Variants in PFKP observed in about 807,000 individuals in gnomAD.
PFKP encodes phosphofructokinase, platelet, also known as ATP-dependent 6-phosphofructokinase, platelet type.
Under a neutral mutation model 94.3 loss-of-function variants are expected in PFKP, and 101 were observed. The observed-to-expected ratio is 1.07, with a 90% CI of 0.91 to 1.26. The LOEUF (loss-of-function observed/expected upper bound fraction) is 1.26. Among genes scored for constraint, PFKP ranks in the 50% most tolerant of loss-of-function variants. The pLI is 0.00. For synonymous variants in PFKP, 573 were observed against 432.6 expected (o/e 1.32, Z -4.03); for missense variants, 1,145 against 1,103.3 (o/e 1.04, Z -0.53).
intron 5 of PFKP, chr10:3,104,869 A>C: frequency 1.7e-6 from 1 of 575,862 alleles, no homozygotes; most frequent in Non-Finnish European, 3.1e-6. Context: ...TCCAACGTGC[A>C]ACTGGAGAGC....
At position 3,107,910 on chromosome 10, in the gene PFKP, G is replaced by A. The variant is rs972820361; in HGVS notation, c.870+601G>A. ...GCTGTAGACGGGGCTGCAGGCTGCC[G>A]GGGCTGGGGATGGGCTGTGGCTCCA... On this transcript the variant is annotated intron_variant, in intron 8 of 21. Transcript: ENST00000381125. 11 of 1,289,494 alleles carry A rather than the reference G, an allele frequency of 8.5e-6. No individual in the cohort carries two copies. In the African/African-American group the frequency reaches 1.4e-4, roughly 16 times the overall value. The allele number at this position is 1,289,494 out of a possible 1,614,324, so 79.9% of individuals were successfully genotyped here.
intron 20 of PFKP, 114 bp downstream of exon 20, chr10:3,134,696 C>G: frequency 3.0e-6 from 2 of 666,742 alleles, no homozygotes; most frequent in Non-Finnish European, 5.4e-6. Flanking sequence ...CAGTTCAGTA[C>G]TGAGCTGCAC....
chr10:3,095,195 T>TA lies in PFKP; in HGVS notation c.187-4069dup, dbSNP rs796733542. Among the ~76,000 whole-genome samples the TA allele has an allele frequency of 3.4e-3, 306 of 90,328 alleles. 1 individual carries two copies. Among genetic ancestry groups the TA allele is most frequent in the African/African-American group, 4.8e-3 (163 of 33,888 alleles). 59.3% of individuals were successfully genotyped at this position (90,328 alleles called of 152,430 possible). On this transcript the variant is annotated intron_variant, in intron 2 of 21. Transcript: ENST00000381125. ...TATAATTTCCCTTTGTCTGTAACTT[T>TA]AAAAAAAAAAACTTACATATGAGAC... is the stretch of plus-strand genomic sequence containing the variant.
intron 16 of PFKP, among the ~76,000 whole-genome samples, chr10:3,127,508 C>CT: frequency 6.6e-6 from 1 of 152,314 alleles, no homozygotes; most frequent in Non-Finnish European, 1.5e-5. Flanking sequence ...TTTTGTGCCT[C>CT]TGGGGGTCCT....
rs112847106 is a variant in PFKP at position 3,115,526 on chromosome 10, T to C, written c.1372-1250T>C. Among the ~76,000 whole-genome samples, 66 of 109,954 alleles carry C rather than the reference T, an allele frequency of 6.0e-4. 8 individuals are homozygous for C. The highest frequency in any genetic ancestry group is 4.4e-3 in the East Asian group (16 of 3,628). The allele number at this position is 109,954 out of a possible 152,430, so 72.1% of individuals were successfully genotyped here. ...AAGGTGTGTGTCCCACAGCTGAGGA[T>C]AGGATTGGGGATGCCAGGGTGAAGG... On this transcript the variant is annotated intron_variant, in intron 13 of 21. Coordinates refer to ENST00000381125, the MANE Select transcript of PFKP (RefSeq NM_002627.5).
At chr10:3,103,429 T>A (rs1441899495) in intron 4 of PFKP, among the ~76,000 whole-genome samples, 1 of 152,144 alleles carries the variant, frequency 6.6e-6, no homozygotes, top group African/African-American at 2.4e-5. Context: ...GAAGGACCAC[T>A]TGAGCCCAGG....
At chr10:3,121,504 G>C (rs898843822) in intron 16 of PFKP, among the ~76,000 whole-genome samples, 2 of 152,036 alleles carry the variant, frequency 1.3e-5, no homozygotes, top group African/African-American at 4.8e-5. Context: ...CAGAGGGAAC[G>C]GGTGGAGAAT....
chr10:3,132,971 CATATTTATTTCTGGAATTTTCCATTTA>C (rs1838767835), intron 18 of PFKP, among the ~76,000 whole-genome samples: 1 of 152,214 alleles, frequency 6.6e-6, no homozygotes, highest in Non-Finnish European at 1.5e-5. Flanking sequence ...TTAAAACTTA[CATATTTATTTCTGGAATTTTCCATTTA>C]ATATTTGTGG....
At chr10:3,126,987 C>T (rs1234218026) in intron 16 of PFKP, among the ~76,000 whole-genome samples, 1 of 152,272 alleles carries the variant, frequency 6.6e-6, no homozygotes, top group Non-Finnish European at 1.5e-5. Flanking sequence ...CAGCCCTCTG[C>T]CATCCTTCCA....
At chr10:3,115,951 C>G (rs892101893) in intron 13 of PFKP, among the ~76,000 whole-genome samples, 2 of 152,210 alleles carry the variant, frequency 1.3e-5, no homozygotes, top group Non-Finnish European at 2.9e-5. Context: ...CCACCCGCAT[C>G]TCAGCAGCAG....
At chr10:3,115,914 A>C (rs1221597892) in intron 13 of PFKP, among the ~76,000 whole-genome samples, 6 of 152,164 alleles carry the variant, frequency 3.9e-5, no homozygotes, top group Non-Finnish European at 7.3e-5. Context: ...TTCCACCACC[A>C]CTGCCCGCCC....
In PFKP at chr10:3,103,791, A is replaced by AG; in HGVS notation, c.469dup (p.Glu157GlyfsTer21). 6.2e-7 allele frequency: 1 copy of AG among 1,613,928 alleles called. No individual in the cohort carries two copies. The highest frequency in any genetic ancestry group is 8.5e-7 in the Non-Finnish European group (1 of 1,180,034). On this transcript the variant is annotated frameshift_variant, in exon 5 of 22. Coordinates refer to ENST00000381125, the MANE Select transcript of PFKP (RefSeq NM_002627.5). LOFTEE classifies it high-confidence loss of function. Reference sequence around the variant, plus strand: ...GCTCCCCGCGCAGGCCAGATCGATAAGGAGGCCGTGCAGAAGTACGCCTAC... The same window carrying AG: ...GCTCCCCGCGCAGGCCAGATCGATAAGGGAGGCCGTGCAGAAGTACGCCTAC...
In PFKP at chr10:3,133,186, C is replaced by T; in HGVS notation, c.1911-17C>T. 1 of 1,596,780 alleles carries T rather than the reference C, an allele frequency of 6.3e-7. No homozygotes were observed. Among genetic ancestry groups the T allele is most frequent in the Non-Finnish European group, 8.6e-7 (1 of 1,165,238 alleles). The stretch of plus-strand genomic sequence containing the variant: ...CACTGCACGCTAAACAAAGTGACTC[C>T]TTCTCGCTCGTTTCAGAAATGAGAG... On this transcript the variant is annotated splice_polypyrimidine_tract_variant and intron_variant, in intron 18 of 21. Transcript: ENST00000381125.
At chr10:3,122,365 G>A (rs1422041486) in intron 16 of PFKP, among the ~76,000 whole-genome samples, 1 of 152,120 alleles carries the variant, frequency 6.6e-6, no homozygotes, top group Admixed American at 6.5e-5. Context: ...AGCTGGGACA[G>A]AGAAGAGAAA....
At position 3,123,675 on chromosome 10, in the gene PFKP, G is replaced by A. The variant is rs561406179; in HGVS notation, c.1683+3631G>A. Among the ~76,000 whole-genome samples the A allele has an allele frequency of 4.6e-5, 7 of 152,350 alleles. No individual in the cohort carries two copies. In the East Asian group the frequency reaches 1.2e-3, roughly 25 times the overall value. On this transcript the variant is annotated intron_variant, in intron 16 of 21. Transcript: ENST00000381125. ...TCGGGTATTCCACAGTAAAGTGAGC[G>A]ACATCACCTGTCTGAAAAGCATAAG...
At position 3,136,745 on chromosome 10, in the gene PFKP, T is replaced by C. The variant is rs1291237919; in HGVS notation, c.*166T>C. ...GTGCGTGCTGTCTGTGGAGTGTGTC[T>C]CATGCTTTCAGATGTGCATATGAGC... On this transcript the variant is annotated 3_prime_UTR_variant, in exon 22 of 22. Coordinates refer to ENST00000381125, the MANE Select transcript of PFKP (RefSeq NM_002627.5). 3 of 613,762 alleles carry C rather than the reference T, an allele frequency of 4.9e-6. No homozygotes were observed. In the African/African-American group the frequency reaches 5.6e-5, roughly 11 times the overall value. 38.0% of individuals were successfully genotyped at this position (613,762 alleles called of 1,614,324 possible).
At chr10:3,107,339 C>G in intron 8 of PFKP, 30 bp downstream of exon 8, 3 of 1,375,198 alleles carry the variant, frequency 2.2e-6, no homozygotes, top group Non-Finnish European at 2.1e-6. Context: ...CACTTTCTCT[C>G]GGTTTCTGCC....
rs1264557930 is a variant in PFKP, at chr10:3,136,640, GTTA to G, written c.*64_*66del. The G allele has an allele frequency of 1.9e-6, 3 of 1,569,140 alleles. No individual in the cohort carries two copies. The highest frequency in any genetic ancestry group is 3.5e-5 in the Admixed American group (2 of 57,916). On this transcript the variant is annotated 3_prime_UTR_variant, in exon 22 of 22. Coordinates refer to ENST00000381125, the MANE Select transcript of PFKP (RefSeq NM_002627.5). ...GACTGTCTGTTTTTGTAACACTTAAGTTATTTTATCAGCACTTTATGCACGTAT... is the reference window on the plus strand; with the variant it reads ...GACTGTCTGTTTTTGTAACACTTAAGTTTTATCAGCACTTTATGCACGTAT...
intron 2 of PFKP, among the ~76,000 whole-genome samples, chr10:3,087,397 G>A (rs1408184044): frequency 2.6e-5 from 4 of 152,138 alleles, no homozygotes; most frequent in South Asian, 2.1e-4. Flanking sequence ...AACCTTGTCT[G>A]GCGGGGACAG....
Sources: allele counts gnomAD v4.1 joint callset (sites outside exome capture counted in the v4.1 genomes callset), GRCh38; gene constraint gnomAD v4.1.1; transcripts MANE v1.5; gene names NCBI Gene and HGNC (gene_info 2026-07-23, HGNC 2026-07-21).